Variants in SH2D6 observed in about 807,000 individuals in gnomAD.
SH2D6 encodes the protein SH2 domain-containing protein 6.
Under a neutral mutation model 30.2 loss-of-function variants are expected in SH2D6, and 31 were observed. The ratio of observed to expected loss-of-function variants is 1.03; its 90% confidence interval spans 0.77 to 1.38. The LOEUF is 1.38. Among genes scored for constraint, SH2D6 ranks in the 40% most tolerant of loss-of-function variants. The probability of loss-of-function intolerance (pLI) is 0.00; values close to 1 mark genes in which losing one functional copy is unlikely to be tolerated. For synonymous variants in SH2D6, 93 were observed against 104.6 expected, an observed-to-expected ratio of 0.89 and a Z score of 0.68; for missense variants, 240 against 266.8, an observed-to-expected ratio of 0.90 and a Z score of 0.70.
At chr2:85,425,257 C>CTTTTTTTTTTTTT (rs56321596) in intron 5 of SH2D6, 51 bp from the exon 6 acceptor site, 16 of 96,150 alleles carry the variant, frequency 1.7e-4, no homozygotes, top group Admixed American at 4.4e-4. Context: ...TTCTTTCTTT[C>CTTTTTTTTTTTTT]TTTTTTTTTT....
chr2:85,425,388 C>A lies in SH2D6; in HGVS notation c.-228C>A, dbSNP rs1296185537. On this transcript the variant is annotated 5_prime_UTR_variant, in exon 6 of 24. Transcript: ENST00000469800. ...AGCTATTCTCCTGCCTCAACAACCT[C>A]CTGAGGGCTGGGATTACAGGTACTC... is the stretch of plus-strand genomic sequence containing the variant. 6.6e-6 allele frequency: 1 copy of A among 151,262 alleles called. No individual in the cohort carries two copies. The highest frequency in any genetic ancestry group is 1.5e-5 in the Non-Finnish European group (1 of 67,896). 9.4% of individuals were successfully genotyped at this position (151,262 alleles called of 1,614,324 possible). A position where few individuals can be genotyped will look rare whatever the true frequency, so the allele number is the denominator to read the frequency against.
intron 20 of SH2D6, 39 bp downstream of exon 20, chr2:85,435,162 C>G: frequency 1.3e-6 from 2 of 1,591,530 alleles, no homozygotes; most frequent in Non-Finnish European, 1.7e-6. Flanking sequence ...GGAGAGGTTC[C>G]GGGAGCAGAG....
intron 2 of SH2D6, 50 bp downstream of exon 2, chr2:85,419,294 G>A (rs62162755): frequency 0.25 from 38,644 of 152,246 alleles, 5,364 homozygotes; most frequent in Non-Finnish European, 0.32. Flanking sequence ...CTCGCATTCA[G>A]CATCCTCTCT....
chr2:85,435,491 C>G lies in SH2D6; in HGVS notation c.727C>G (p.Gln243Glu). Residue 243 changes from glutamine to glutamate, a missense_variant, in exon 21 of 24, where the codon CAA (glutamine) becomes GAA (glutamate). Gln to Glu is a conservative substitution (Grantham distance 29). Coordinates refer to ENST00000469800, the MANE Select transcript of SH2D6 (RefSeq NM_001394463.1). ...YAVESALLHLQKDGAYTVRPS... is the reference protein window; with the variant it reads ...YAVESALLHLEKDGAYTVRPS... ...TGTTGAGAGTGCCCTGCTCCACTTA[C>G]AAAAGGTGGGCAGCCACGGACCCCG... 1 of 1,613,492 alleles carries G rather than the reference C, an allele frequency of 6.2e-7. No homozygotes were observed.
chr2:85,434,979 AC>A, intron 19 of SH2D6, 85 bp from the exon 20 acceptor site: 2 of 1,221,156 alleles, frequency 1.6e-6, no homozygotes, highest in Non-Finnish European at 2.1e-6. Flanking sequence ...CCTACCCCCC[AC>A]CCCCGCAGCT....
chr2:85,435,940 G>A, intron 22 of SH2D6, 116 bp downstream of exon 22: 2 of 1,348,628 alleles, frequency 1.5e-6, no homozygotes, highest in Non-Finnish European at 2.0e-6. Flanking sequence ...GGGGTGGGCA[G>A]AAATGACAGA....
rs1687658806 is a variant in SH2D6, at chr2:85,419,199, G to A, written c.-622G>A. 3 of 152,334 alleles carry A rather than the reference G, an allele frequency of 2.0e-5. No individual in the cohort carries two copies. Among genetic ancestry groups the A allele is most frequent in the Admixed American group, 2.0e-4 (3 of 15,288 alleles). The allele number at this position is 152,334 out of a possible 1,614,324, so 9.4% of individuals were successfully genotyped here. ...GTGCAGGCCGCGGTATCTGACCATC[G>A]TCGGCGCCCTGCGCCCAGGCATCAA... On this transcript the variant is annotated 5_prime_UTR_variant, in exon 2 of 24. Coordinates refer to ENST00000469800, the MANE Select transcript of SH2D6 (RefSeq NM_001394463.1).
intron 21 of SH2D6, 57 bp downstream of exon 21, chr2:85,435,553 G>A (rs1204102401): frequency 6.3e-7 from 1 of 1,598,382 alleles, no homozygotes; most frequent in Admixed American, 1.7e-5. Flanking sequence ...ACAGGCTGTG[G>A]CTGGCCGAGC....
chr2:85,428,244 A>T (rs1688232518), intron 6 of SH2D6, among the ~76,000 whole-genome samples: 2 of 152,194 alleles, frequency 1.3e-5, no homozygotes, highest in African/African-American at 4.8e-5. Context: ...ATCGTAGGAA[A>T]GTAGGGTCCA....
chr2:85,435,288 C>G, intron 20 of SH2D6, 125 bp from the exon 21 acceptor site: 1 of 1,285,482 alleles, frequency 7.8e-7, no homozygotes, highest in South Asian at 1.3e-5. Context: ...CCACTTTGTT[C>G]TGCCTGAGGG....
chr2:85,428,899 G>A (rs894391205), intron 7 of SH2D6, among the ~76,000 whole-genome samples: 3 of 152,152 alleles, frequency 2.0e-5, no homozygotes, highest in Non-Finnish European at 2.9e-5. Flanking sequence ...CATCTTCAAC[G>A]CCTGGAACAG....
At chr2:85,434,186 T>G (rs1175182861) in intron 17 of SH2D6, 75 bp downstream of exon 17, 1 of 1,529,246 alleles carries the variant, frequency 6.5e-7, no homozygotes, top group East Asian at 2.5e-5. Context: ...CAGTTCAGGC[T>G]TCCCCAGCCC....
At chr2:85,427,774 T>G (rs1417617172) in intron 6 of SH2D6, among the ~76,000 whole-genome samples, 1 of 152,202 alleles carries the variant, frequency 6.6e-6, no homozygotes, top group Non-Finnish European at 1.5e-5. Context: ...TATTTTTGTT[T>G]TTTTGGTTTT....
intron 2 of SH2D6, among the ~76,000 whole-genome samples, chr2:85,421,211 G>C (rs748532395): frequency 1.3e-5 from 2 of 152,140 alleles, no homozygotes; most frequent in Non-Finnish European, 2.9e-5. Flanking sequence ...GGCCGCTCCC[G>C]CTAAGGAAGG....
Position 85,435,790 on chromosome 2 carries a change from A to C in SH2D6, c.857A>C (p.Tyr286Ser). 6.2e-7 allele frequency: 1 copy of C among 1,603,686 alleles called. No homozygotes were observed. The highest frequency in any genetic ancestry group is 8.5e-7 in the Non-Finnish European group (1 of 1,175,300). ...CGGCGGCTGGATGGCGGACGCCACT[A>C]TGCCCTGGGCCGGGAGGGCAGGAAC... ...PIRRLDGGRH[Y>S]ALGREGRNRE... is the part of the protein sequence containing the mutation. Residue 286 changes from tyrosine (Y) to serine (S), a missense_variant, in exon 22 of 24, where the codon TAT (tyrosine) becomes TCT (serine). Transcript: ENST00000469800.
At chr2:85,432,403 T>G (rs557040511) in intron 14 of SH2D6, among the ~76,000 whole-genome samples, 2,217 of 150,922 alleles carry the variant, frequency 0.015, 26 homozygotes, top group Middle Eastern at 0.037. Flanking sequence ...TGTTTTGTTT[T>G]GTTTTGTTTT....
Position 85,430,342 on chromosome 2 carries a change from T to G in SH2D6, c.65-22T>G, listed in dbSNP as rs1688469993. 1 of 151,992 alleles carries G rather than the reference T, an allele frequency of 6.6e-6. No homozygotes were observed. Among genetic ancestry groups the G allele is most frequent in the Non-Finnish European group, 1.5e-5 (1 of 67,956 alleles). The allele number at this position is 151,992 out of a possible 1,614,324, so 9.4% of individuals were successfully genotyped here. ...TGGGGAAAGGTGGGCAGGGAGGAGGTGAGGCCAGCTTGTCTGTCCAGACTC... is the reference window on the plus strand; with the variant it reads ...TGGGGAAAGGTGGGCAGGGAGGAGGGGAGGCCAGCTTGTCTGTCCAGACTC... On this transcript the variant is annotated intron_variant, in intron 10 of 23. Coordinates refer to ENST00000469800, the MANE Select transcript of SH2D6 (RefSeq NM_001394463.1). This position sits in a 1 kb window ranked among gnomAD's most constrained non-coding sequence, Gnocchi z 4.3.
chr2:85,425,066 G>GAAAT (rs374294558), intron 5 of SH2D6, among the ~76,000 whole-genome samples: 111 of 151,596 alleles, frequency 7.3e-4, no homozygotes, highest in African/African-American at 1.4e-3. Flanking sequence ...ACTCCATCTC[G>GAAAT]AAATAAATAA....
In SH2D6 at chr2:85,434,726, C is replaced by T. The variant is rs1466627517; in HGVS notation, c.589+229C>T. The T allele has an allele frequency of 8.4e-6, 12 of 1,431,906 alleles. No individual in the cohort carries two copies. The African/African-American group carries it at 1.7e-4, about 21-fold the overall frequency. The allele number at this position is 1,431,906 out of a possible 1,614,324, so 88.7% of individuals were successfully genotyped here. ...GCCCTGCAGGCCAGACTCCCTCAGG[C>T]CCCAAGTTACTGAGGATGTCCCTGA... On this transcript the variant is annotated intron_variant, in intron 19 of 23. Coordinates refer to ENST00000469800, the MANE Select transcript of SH2D6 (RefSeq NM_001394463.1).
Sources: gnomAD v4.1 joint callset for allele counts (sites outside exome capture counted in the v4.1 genomes callset) on GRCh38, gnomAD v4.1.1 for gene constraint, Gnocchi (gnomAD v3.1) non-coding constraint, MANE v1.5 for transcripts, NCBI Gene and HGNC (gene_info 2026-07-23, HGNC 2026-07-21) for gene names.